FAM167A: variants seen among roughly 807,000 people sequenced by gnomAD.
FAM167A encodes the protein protein FAM167A.
In FAM167A, 23 loss-of-function variants were observed where a neutral mutation model predicts 14.9. The observed-to-expected ratio is 1.55, with a 90% confidence interval of 1.11 to 2.19. The LOEUF (loss-of-function observed/expected upper bound fraction) is 2.19, where lower values mean the gene tolerates loss of function less well. Ranked by LOEUF, FAM167A falls within the 30% of genes most tolerant of loss-of-function variation. FAM167A has a pLI of 0.00. For missense variants in FAM167A, 401 were observed against 281.5 expected (o/e 1.42, Z -3.04); for synonymous variants, 174 against 117.7 (o/e 1.48, Z -3.10).
chr8:11,430,980 G>C (rs890960146), intron 2 of FAM167A, among the ~76,000 whole-genome samples: 1 of 152,204 alleles, frequency 6.6e-6, no homozygotes. Flanking sequence ...AAAGCCTTAA[G>C]AAAGGTGTGG....
At chr8:11,424,729 A>T in intron 2 of FAM167A, 93 bp from the exon 3 acceptor site, 8 of 1,490,012 alleles carry the variant, frequency 5.4e-6, no homozygotes, top group Non-Finnish European at 7.2e-6. Flanking sequence ...CTAATGTCTT[A>T]GTTCATTAAG....
At chr8:11,430,077 G>A (rs1203692636) in intron 2 of FAM167A, among the ~76,000 whole-genome samples, 1 of 152,218 alleles carries the variant, frequency 6.6e-6, no homozygotes, top group Non-Finnish European at 1.5e-5. Flanking sequence ...TCAACTCTCA[G>A]TGTGGGTTTC....
Position 11,444,718 on chromosome 8 carries a change from G to T in FAM167A, c.-307C>A. 1 of 1,171,966 alleles carries T rather than the reference G, an allele frequency of 8.5e-7. No individual in the cohort carries two copies. Among genetic ancestry groups the T allele is most frequent in the Non-Finnish European group, 1.1e-6 (1 of 946,524 alleles). 72.6% of individuals were successfully genotyped at this position (1,171,966 alleles called of 1,614,324 possible). A position where few individuals can be genotyped will look rare whatever the true frequency, so the allele number is the denominator to read the frequency against. On this transcript the variant is annotated 5_prime_UTR_variant, in exon 2 of 3. Coordinates refer to ENST00000284486, the MANE Select transcript of FAM167A (RefSeq NM_053279.3). ...GAATCTCGGGGCAGCCTGTGCCAAG[G>T]TCTATCTGTCCTGAACGCACTCGAA...
intron 1 of FAM167A, among the ~76,000 whole-genome samples, chr8:11,454,564 G>A (rs958483160): frequency 2.6e-5 from 4 of 152,226 alleles, no homozygotes; most frequent in Admixed American, 2.0e-4. Context: ...AGCCAAGGGA[G>A]TGCAGAGGCT....
intron 2 of FAM167A, among the ~76,000 whole-genome samples, chr8:11,441,458 C>T (rs371522781): frequency 1.3e-5 from 2 of 152,252 alleles, no homozygotes; most frequent in African/African-American, 4.8e-5. Flanking sequence ...CAGTGACCTG[C>T]ATGCACATTA....
chr8:11,457,889 G>A (rs1807396879), intron 1 of FAM167A, among the ~76,000 whole-genome samples: 1 of 152,178 alleles, frequency 6.6e-6, no homozygotes, highest in African/African-American at 2.4e-5. Context: ...CTTGAACTGT[G>A]GGAGTCTGTG....
At chr8:11,466,074 G>T (rs1262730859) in intron 1 of FAM167A, among the ~76,000 whole-genome samples, 1 of 152,158 alleles carries the variant, frequency 6.6e-6, no homozygotes. Flanking sequence ...CACCTTCACG[G>T]CTGACCTGCT....
chr8:11,458,534 C>CA lies in FAM167A; in HGVS notation c.-398+8091dup, dbSNP rs796318023. Reference sequence around the variant, plus strand: ...CCATCACCCCTGCCCCAGGAACACTCACGACACCTAGAAAGAGACGTTCAT... The same window carrying CA: ...CCATCACCCCTGCCCCAGGAACACTCAACGACACCTAGAAAGAGACGTTCAT... On this transcript the variant is annotated intron_variant, in intron 1 of 2. Coordinates refer to ENST00000284486, the MANE Select transcript of FAM167A (RefSeq NM_053279.3). 3.3e-5 allele frequency among the ~76,000 whole-genome samples: 5 copies of CA among 152,306 alleles called. No individual in the cohort carries two copies. In the East Asian group the frequency reaches 7.7e-4, roughly 23 times the overall value.
At chr8:11,470,721 A>C (rs113339159), upstream of FAM167A, among the ~76,000 whole-genome samples, 2,141 of 152,248 alleles carry the variant, frequency 0.014, 37 homozygotes, top group African/African-American at 0.042. Flanking sequence ...GAGGACACTA[A>C]GGGTGGCGAC....
chr8:11,435,844 T>C (rs759201340), intron 2 of FAM167A, among the ~76,000 whole-genome samples: 1 of 152,204 alleles, frequency 6.6e-6, no homozygotes, highest in African/African-American at 2.4e-5. Context: ...TTATGAGAAT[T>C]AAATAAGCCC....
At chr8:11,471,188 C>G (rs1269614740), upstream of FAM167A, among the ~76,000 whole-genome samples, 2 of 152,200 alleles carry the variant, frequency 1.3e-5, no homozygotes, top group Non-Finnish European at 2.9e-5. Context: ...GGTGCCCACT[C>G]TGAGGCAGCA....
chr8:11,452,977 G>A (rs964951125), intron 1 of FAM167A, among the ~76,000 whole-genome samples: 4 of 152,108 alleles, frequency 2.6e-5, no homozygotes, highest in African/African-American at 9.7e-5. Flanking sequence ...GGAAAGCTGG[G>A]GTGATCTCCC....
intron 2 of FAM167A, among the ~76,000 whole-genome samples, chr8:11,441,450 G>C (rs953701513): frequency 2.0e-5 from 3 of 152,232 alleles, no homozygotes; most frequent in Admixed American, 2.0e-4. Context: ...ATGAGCCCCA[G>C]TGACCTGCAT....
At chr8:11,454,037 A>G (rs578109322) in intron 1 of FAM167A, among the ~76,000 whole-genome samples, 1 of 152,310 alleles carries the variant, frequency 6.6e-6, no homozygotes, top group Non-Finnish European at 1.5e-5. Context: ...ATCTGCAGGT[A>G]TAACTGGGTT....
intron 2 of FAM167A, 116 bp downstream of exon 2, chr8:11,443,915 G>T (rs1563375222): frequency 3.9e-6 from 5 of 1,291,166 alleles, no homozygotes; most frequent in Non-Finnish European, 5.4e-6. Flanking sequence ...GGGGGTTAGA[G>T]AGAGGGGAAG....
intron 1 of FAM167A, among the ~76,000 whole-genome samples, chr8:11,459,504 G>A (rs1045063486): frequency 1.8e-4 from 27 of 152,340 alleles, no homozygotes; most frequent in African/African-American, 5.1e-4. Context: ...AGAAGAGACC[G>A]AGCGCCTCGG....
Position 11,444,682 on chromosome 8 carries a change from C to G in FAM167A, c.-271G>C. ...ATGCTCCACAGAAGGCAGGAACAGA[C>G]AGCGTCGCAGGAATCTCGGGGCAGC... On this transcript the variant is annotated 5_prime_UTR_variant, in exon 2 of 3. Transcript: ENST00000284486. The G allele has an allele frequency of 8.1e-7, 1 of 1,235,102 alleles. No individual in the cohort carries two copies. The highest frequency in any genetic ancestry group is 1.0e-6 in the Non-Finnish European group (1 of 986,560). 76.5% of individuals were successfully genotyped at this position (1,235,102 alleles called of 1,614,324 possible).
chr8:11,430,850 T>A (rs1276175786), intron 2 of FAM167A, among the ~76,000 whole-genome samples: 1 of 152,116 alleles, frequency 6.6e-6, no homozygotes, highest in Non-Finnish European at 1.5e-5. Context: ...GACATTCAGA[T>A]CATAGAAAAG....
intron 2 of FAM167A, among the ~76,000 whole-genome samples, chr8:11,441,949 G>A (rs975024196): frequency 8.5e-5 from 13 of 152,240 alleles, no homozygotes; most frequent in African/African-American, 1.4e-4. Flanking sequence ...TAATGCCTGC[G>A]AAGTGCCTGG....
Sources: gnomAD v4.1 joint callset for allele counts (sites outside exome capture counted in the v4.1 genomes callset) on GRCh38, gnomAD v4.1.1 for gene constraint, MANE v1.5 for transcripts, NCBI Gene and HGNC (gene_info 2026-07-23, HGNC 2026-07-21) for gene names.